The following GRIK4 variants were observed in gnomAD, a reference collection of about 807,000 sequenced individuals.
GRIK4 encodes glutamate ionotropic receptor kainate type subunit 4, also known as glutamate receptor ionotropic, kainate 4.
Under a neutral mutation model 104.9 loss-of-function variants are expected in GRIK4, and 40 were observed. That is an observed-to-expected ratio of 0.38 (90% CI 0.30 to 0.50). The LOEUF (loss-of-function observed/expected upper bound fraction) is 0.50, where lower values mean the gene tolerates loss of function less well. Among genes scored for constraint, GRIK4 ranks in the 20% least tolerant of loss-of-function variants. The probability of loss-of-function intolerance (pLI) is 0.93; values close to 1 mark genes in which losing one functional copy is unlikely to be tolerated. For synonymous variants in GRIK4, 485 were observed against 524.9 expected (o/e 0.92, Z 1.04); for missense variants, 1,047 against 1,308.1 (o/e 0.80, Z 3.08).
chr11:120,538,006 A>G (rs1357130906), intron 1 of GRIK4, among the ~76,000 whole-genome samples: 1 of 152,258 alleles, frequency 6.6e-6, no homozygotes, highest in Non-Finnish European at 1.5e-5. Flanking sequence ...AGGTTTAAAT[A>G]AAAATCTTTT....
In GRIK4 at chr11:120,983,005, C is replaced by A. The variant is rs367869313; in HGVS notation, c.2514+781C>A. ...CCTCAAGCCCCTCTGCTTCTGCATG[C>A]GTAGAGCTTCATTTTACTTCCCATC... On this transcript the variant is annotated intron_variant, in intron 20 of 20. Transcript: ENST00000527524. Among the ~76,000 whole-genome samples, 17 of 152,212 alleles carry A rather than the reference C, an allele frequency of 1.1e-4. No individual in the cohort carries two copies. The East Asian group carries it at 2.5e-3, about 22-fold the overall frequency.
chr11:120,966,016 C>G (rs1944377523), intron 18 of GRIK4, among the ~76,000 whole-genome samples: 2 of 152,112 alleles, frequency 1.3e-5, no homozygotes, highest in Non-Finnish European at 2.9e-5. Context: ...TAATAATGTC[C>G]CAGCCTGTGC....
At chr11:120,701,171 A>G (rs774150471) in intron 3 of GRIK4, among the ~76,000 whole-genome samples, 1 of 152,162 alleles carries the variant, frequency 6.6e-6, no homozygotes, top group African/African-American at 2.4e-5. Flanking sequence ...GAACTGTACA[A>G]TACGGTTTTA....
At chr11:120,617,763 A>G (rs1369679740) in intron 1 of GRIK4, among the ~76,000 whole-genome samples, 1 of 152,126 alleles carries the variant, frequency 6.6e-6, no homozygotes, top group Non-Finnish European at 1.5e-5. Context: ...GCCTTTGGCC[A>G]TGATTGTAAG....
At chr11:120,942,227 T>C (rs1192240054) in intron 14 of GRIK4, among the ~76,000 whole-genome samples, 1 of 152,204 alleles carries the variant, frequency 6.6e-6, no homozygotes, top group East Asian at 1.9e-4. Context: ...GAAGTCATGC[T>C]TGGAGCTAGT....
intron 1 of GRIK4, among the ~76,000 whole-genome samples, chr11:120,541,224 T>C (rs1358644750): frequency 6.6e-6 from 1 of 152,256 alleles, no homozygotes; most frequent in African/African-American, 2.4e-5. Flanking sequence ...AAGTCTTTGC[T>C]GATCCATCCC....
chr11:120,714,244 G>C (rs759255149), intron 3 of GRIK4, among the ~76,000 whole-genome samples: 5 of 152,350 alleles, frequency 3.3e-5, no homozygotes, highest in Non-Finnish European at 7.3e-5. Flanking sequence ...GAGGCTCATT[G>C]TGACTTACAA....
At chr11:120,922,640 A>G (rs773152232) in intron 13 of GRIK4, among the ~76,000 whole-genome samples, 5 of 152,144 alleles carry the variant, frequency 3.3e-5, no homozygotes, top group Middle Eastern at 3.2e-3. Flanking sequence ...GAGCTTATTT[A>G]CAGATGATTT....
chr11:120,783,318 C>G (rs930087203), intron 3 of GRIK4, among the ~76,000 whole-genome samples: 5 of 152,178 alleles, frequency 3.3e-5, no homozygotes, highest in African/African-American at 9.7e-5. Flanking sequence ...CTGTCTTTCT[C>G]TATTTTCTGC....
At position 120,555,676 on chromosome 11, in the gene GRIK4, G is replaced by T. The variant is rs913823328; in HGVS notation, c.-159+43789G>T. Reference sequence around the variant, plus strand: ...TGGTGAGGTGGAGGAGGGGCAGAGGGGAGGTCTGCCCTCCTTCTGCCCAGG... The same window carrying T: ...TGGTGAGGTGGAGGAGGGGCAGAGGTGAGGTCTGCCCTCCTTCTGCCCAGG... On this transcript the variant is annotated intron_variant, in intron 1 of 20. Coordinates refer to ENST00000527524, the MANE Select transcript of GRIK4 (RefSeq NM_014619.5). The surrounding 1 kb of genome is among the most constrained non-coding windows in gnomAD (Gnocchi z 5.3). Among the ~76,000 whole-genome samples, 2 of 152,162 alleles carry T rather than the reference G, an allele frequency of 1.3e-5. No homozygotes were observed. Among genetic ancestry groups the T allele is most frequent in the Admixed American group, 6.5e-5 (1 of 15,286 alleles).
At chr11:120,806,425 G>A (rs1005510960) in intron 4 of GRIK4, among the ~76,000 whole-genome samples, 20 of 152,192 alleles carry the variant, frequency 1.3e-4, no homozygotes, top group East Asian at 3.8e-4. Context: ...GCCAAAGGCC[G>A]TGGTTTGCCC....
At position 120,784,231 on chromosome 11, in the gene GRIK4, T is replaced by C. The variant is rs4503562; in HGVS notation, c.83-18462T>C. 3.5e-3 allele frequency among the ~76,000 whole-genome samples: 536 copies of C among 152,316 alleles called. 1 individual carries two copies. Among genetic ancestry groups the C allele is most frequent in the Non-Finnish European group, 5.0e-3 (343 of 68,028 alleles). ...CCCTAGCTTGGACTCGGAACCCCCGTGTCCTCCTGGATAAATACTCCCTTC... is the reference window on the plus strand; with the variant it reads ...CCCTAGCTTGGACTCGGAACCCCCGCGTCCTCCTGGATAAATACTCCCTTC... On this transcript the variant is annotated intron_variant, in intron 3 of 20. Coordinates refer to ENST00000527524, the MANE Select transcript of GRIK4 (RefSeq NM_014619.5).
chr11:120,694,251 G>T (rs1015625779), intron 3 of GRIK4, among the ~76,000 whole-genome samples: 3 of 152,200 alleles, frequency 2.0e-5, no homozygotes, highest in African/African-American at 7.2e-5. Flanking sequence ...GTAGGGAAAA[G>T]AACCCTGGGC....
intron 1 of GRIK4, among the ~76,000 whole-genome samples, chr11:120,533,529 G>A (rs1364701714): frequency 6.6e-6 from 1 of 152,104 alleles, no homozygotes; most frequent in Non-Finnish European, 1.5e-5. Flanking sequence ...ACCAGGGTTG[G>A]GTCATTGGGG....
intron 3 of GRIK4, among the ~76,000 whole-genome samples, chr11:120,799,207 G>A (rs1373236262): frequency 6.6e-6 from 1 of 152,200 alleles, no homozygotes; most frequent in Non-Finnish European, 1.5e-5. Flanking sequence ...TTGTTAAATA[G>A]TTAGTAGGTT....
At chr11:120,857,165 C>T (rs1954126466) in intron 8 of GRIK4, among the ~76,000 whole-genome samples, 3 of 152,212 alleles carry the variant, frequency 2.0e-5, no homozygotes, top group Admixed American at 2.0e-4. Flanking sequence ...GGACCTCCAC[C>T]TGTCTGGGGC....
At chr11:120,585,506 G>T (rs1296657060) in intron 1 of GRIK4, among the ~76,000 whole-genome samples, 1 of 152,052 alleles carries the variant, frequency 6.6e-6, no homozygotes, top group Non-Finnish European at 1.5e-5. Flanking sequence ...GAGCTACTGT[G>T]CCGTGCCCTT....
chr11:120,607,991 G>C (rs1264204605), intron 1 of GRIK4, among the ~76,000 whole-genome samples: 1 of 152,184 alleles, frequency 6.6e-6, no homozygotes, highest in South Asian at 2.1e-4. Context: ...TCAGGTGAGG[G>C]TGGAAAAGCT....
chr11:120,883,086 G>A (rs1955012330), intron 11 of GRIK4, among the ~76,000 whole-genome samples: 1 of 152,164 alleles, frequency 6.6e-6, no homozygotes, highest in African/African-American at 2.4e-5. Context: ...AGTGCTGGGG[G>A]CTCCCTGAGC....
Sources: allele counts gnomAD v4.1 joint callset (sites outside exome capture counted in the v4.1 genomes callset), GRCh38; gene constraint gnomAD v4.1.1; non-coding constraint Gnocchi (gnomAD v3.1); transcripts MANE v1.5; gene names NCBI Gene and HGNC (gene_info 2026-07-23, HGNC 2026-07-21).